Variants in FMN2 observed in about 807,000 individuals in gnomAD.
FMN2 encodes the protein formin 2, also known as formin-2.
Under a neutral mutation model 142.3 loss-of-function variants are expected in FMN2, and 51 were observed. The ratio of observed to expected loss-of-function variants is 0.36; its 90% confidence interval spans 0.29 to 0.45. The LOEUF is 0.45. Ranked by LOEUF, FMN2 falls within the 20% of genes least tolerant of loss-of-function variation. The probability of loss-of-function intolerance (pLI) is 1.00; values close to 1 mark genes in which losing one functional copy is unlikely to be tolerated. For missense variants in FMN2, 1,936 were observed against 2,122.8 expected, an observed-to-expected ratio of 0.91 and a Z score of 1.73; for synonymous variants, 882 against 869.8, an observed-to-expected ratio of 1.01 and a Z score of -0.25.
intron 3 of FMN2, among the ~76,000 whole-genome samples, chr1:240,181,340 A>G (rs1029888042): frequency 6.6e-6 from 1 of 152,156 alleles, no homozygotes; most frequent in Non-Finnish European, 1.5e-5. Flanking sequence ...CCCAATTCAC[A>G]TGTCCAGCTA....
At chr1:240,419,449 C>G (rs1441364762) in intron 15 of FMN2, among the ~76,000 whole-genome samples, 1 of 152,108 alleles carries the variant, frequency 6.6e-6, no homozygotes, top group Non-Finnish European at 1.5e-5. Context: ...TCCTCAAACA[C>G]CTGAGGGCAT....
At chr1:240,232,698 C>A (rs964813424) in intron 6 of FMN2, among the ~76,000 whole-genome samples, 1 of 152,078 alleles carries the variant, frequency 6.6e-6, no homozygotes, top group Non-Finnish European at 1.5e-5. Flanking sequence ...TTTCAGTTTG[C>A]CCTCTTTTTT....
At chr1:240,170,666 T>C (rs1572015076) in intron 2 of FMN2, 2 of 1,573,256 alleles carry the variant, frequency 1.3e-6, no homozygotes, top group East Asian at 4.5e-5. Context: ...TTAGCACCTT[T>C]GGATAAAGTC....
At chr1:240,219,453 T>A (rs554312455) in intron 6 of FMN2, among the ~76,000 whole-genome samples, 1 of 152,296 alleles carries the variant, frequency 6.6e-6, no homozygotes, top group African/African-American at 2.4e-5. Context: ...CTAGTCAGAT[T>A]ATTCACAACC....
Position 240,327,146 on chromosome 1 carries a change from A to T in FMN2, c.4216-1930A>T, listed in dbSNP as rs538903733. On this transcript the variant is annotated intron_variant, in intron 8 of 17. Transcript: ENST00000319653. ...ATTACTGTGCAATTGAAATTCTAGAAGAAGAGTTTTAATTTTTTGAGTAGC... is the reference window on the plus strand; with the variant it reads ...ATTACTGTGCAATTGAAATTCTAGATGAAGAGTTTTAATTTTTTGAGTAGC... 2.0e-5 allele frequency among the ~76,000 whole-genome samples: 3 copies of T among 152,322 alleles called. No homozygotes were observed. In the East Asian group the frequency reaches 5.8e-4, roughly 29 times the overall value.
rs1676924683 is a variant in FMN2, at chr1:240,474,871, A to G, written c.*717A>G. The G allele has an allele frequency of 6.6e-6, 1 of 152,626 alleles. No homozygotes were observed. Among genetic ancestry groups the G allele is most frequent in the South Asian group, 2.1e-4 (1 of 4,836 alleles). 9.5% of individuals were successfully genotyped at this position (152,626 alleles called of 1,614,324 possible). A position where few individuals can be genotyped will look rare whatever the true frequency, so the allele number is the denominator to read the frequency against. On this transcript the variant is annotated 3_prime_UTR_variant, in exon 18 of 18. Coordinates refer to ENST00000319653, the MANE Select transcript of FMN2 (RefSeq NM_020066.5). ...GAGAATTTATTGCTCTTGCAAACCA[A>G]TTATGGAAAGCAACTTAAGAAAACC...
chr1:240,253,695 T>A (rs1668355786), intron 6 of FMN2, among the ~76,000 whole-genome samples: 2 of 152,244 alleles, frequency 1.3e-5, no homozygotes, highest in African/African-American at 4.8e-5. Flanking sequence ...ACATTGATAT[T>A]TGTGCATCTG....
chr1:240,127,656 G>T (rs774932209), intron 2 of FMN2, among the ~76,000 whole-genome samples: 3 of 152,032 alleles, frequency 2.0e-5, no homozygotes, highest in Non-Finnish European at 4.4e-5. Flanking sequence ...TTTTTAAGTT[G>T]TTGTTATAGA....
At chr1:240,438,235 G>A (rs1407896632) in intron 16 of FMN2, 25 bp downstream of exon 16, 5 of 1,600,516 alleles carry the variant, frequency 3.1e-6, no homozygotes, top group Non-Finnish European at 4.3e-6. Context: ...TTGCACAATG[G>A]CATTTTAAAA....
intron 15 of FMN2, among the ~76,000 whole-genome samples, chr1:240,426,276 A>G (rs557262579): frequency 5.3e-4 from 79 of 149,788 alleles, no homozygotes; most frequent in African/African-American, 1.9e-3. Flanking sequence ...AATATAAAAT[A>G]GTTCTCGGTT....
intron 8 of FMN2, among the ~76,000 whole-genome samples, chr1:240,328,504 A>G (rs551031516): frequency 1.3e-5 from 2 of 152,066 alleles, no homozygotes; most frequent in African/African-American, 4.8e-5. Context: ...GGTCAATAAC[A>G]TTATTTGGAA....
chr1:240,393,088 C>T (rs1673662628), intron 15 of FMN2, among the ~76,000 whole-genome samples: 1 of 151,858 alleles, frequency 6.6e-6, no homozygotes, highest in South Asian at 2.1e-4. Flanking sequence ...AAAGAACAAA[C>T]TGGCGATACA....
intron 6 of FMN2, among the ~76,000 whole-genome samples, chr1:240,213,999 C>CT (rs376880612): frequency 8.3e-4 from 126 of 152,240 alleles, no homozygotes; most frequent in African/African-American, 2.9e-3. Context: ...TTTCCAAATC[C>CT]TTTTTTCTCC....
chr1:240,361,139 GTGTATATA>G (rs1357993733), intron 14 of FMN2, among the ~76,000 whole-genome samples: 1 of 9,546 alleles, frequency 1.0e-4, no homozygotes, highest in African/African-American at 4.6e-4. Context: ...ATAAATATAT[GTGTATATA>G]TATATATATA....
chr1:240,116,795 G>A (rs1374545926), intron 1 of FMN2, among the ~76,000 whole-genome samples: 1 of 151,966 alleles, frequency 6.6e-6, no homozygotes, highest in African/African-American at 2.4e-5. Context: ...TTGATACCAT[G>A]CTGCCCAGCA....
chr1:240,156,092 C>T (rs1664014011), intron 2 of FMN2, among the ~76,000 whole-genome samples: 1 of 151,892 alleles, frequency 6.6e-6, no homozygotes, highest in South Asian at 2.1e-4. Context: ...ACAACAACAA[C>T]AACAAAAAGT....
In FMN2 at chr1:240,386,215, A is replaced by G. The variant is rs185118144; in HGVS notation, c.4859-6296A>G. 2.2e-4 allele frequency among the ~76,000 whole-genome samples: 34 copies of G among 152,310 alleles called. No individual in the cohort carries two copies. The East Asian group carries it at 5.0e-3, about 23-fold the overall frequency. On this transcript the variant is annotated intron_variant, in intron 14 of 17. Transcript: ENST00000319653. ...TCAAAAATCTCAAAACTAAGGCAAT[A>G]TATCTTCAGTTAAATGACAACTTTA...
At chr1:240,358,542 C>G (rs1234078485) in intron 14 of FMN2, among the ~76,000 whole-genome samples, 1 of 152,148 alleles carries the variant, frequency 6.6e-6, no homozygotes. Flanking sequence ...ACTCACACTT[C>G]AGCACGTCTG....
intron 2 of FMN2, among the ~76,000 whole-genome samples, chr1:240,157,295 AG>A (rs761461322): frequency 6.6e-6 from 1 of 152,162 alleles, no homozygotes; most frequent in Non-Finnish European, 1.5e-5. Flanking sequence ...TCAAGAACTG[AG>A]CTTCGTGTAT....
Sources: gnomAD v4.1 joint callset for allele counts (sites outside exome capture counted in the v4.1 genomes callset) on GRCh38, gnomAD v4.1.1 for gene constraint, MANE v1.5 for transcripts, NCBI Gene and HGNC (gene_info 2026-07-23, HGNC 2026-07-21) for gene names.